Variants in DOK5 observed in about 807,000 individuals in gnomAD.
DOK5 encodes downstream of tyrosine kinase 5.
A neutral mutation model predicts 43.3 loss-of-function variants in DOK5; 27 were observed. The observed-to-expected ratio is 0.62, with a 90% CI of 0.46 to 0.86. The LOEUF (loss-of-function observed/expected upper bound fraction) is 0.86. Ranked by LOEUF, DOK5 falls within the 40% of genes least tolerant of loss-of-function variation. The pLI is 0.00. For missense variants in DOK5, 373 were observed against 392.9 expected, an observed-to-expected ratio of 0.95 and a Z score of 0.43; for synonymous variants, 146 against 140.1, an observed-to-expected ratio of 1.04 and a Z score of -0.30.
intron 1 of DOK5, among the ~76,000 whole-genome samples, chr20:54,488,625 A>G (rs1366033936): frequency 6.6e-6 from 1 of 152,086 alleles, no homozygotes; most frequent in Admixed American, 6.6e-5. Flanking sequence ...TTACTCTAAG[A>G]GACATAAGTT....
chr20:54,491,586 A>C (rs1982179018), intron 1 of DOK5, among the ~76,000 whole-genome samples: 1 of 152,074 alleles, frequency 6.6e-6, no homozygotes, highest in South Asian at 2.1e-4. Context: ...ATGTCACTGA[A>C]CTGCTTACAC....
chr20:54,499,874 A>G (rs1052939242), intron 1 of DOK5, among the ~76,000 whole-genome samples: 3 of 152,200 alleles, frequency 2.0e-5, no homozygotes, highest in East Asian at 3.8e-4. Context: ...TTCACTGAAG[A>G]TTGCTCACCT....
chr20:54,552,696 T>C (rs534987697), intron 1 of DOK5, among the ~76,000 whole-genome samples: 1 of 152,316 alleles, frequency 6.6e-6, no homozygotes, highest in Admixed American at 6.5e-5. Flanking sequence ...CTGACTTTTT[T>C]ATTGTAAATA....
At chr20:54,567,303 G>A (rs1339373642) in intron 2 of DOK5, among the ~76,000 whole-genome samples, 1 of 152,034 alleles carries the variant, frequency 6.6e-6, no homozygotes, top group Non-Finnish European at 1.5e-5. Context: ...AAGAAAAAAG[G>A]TATAGTTTTA....
At chr20:54,636,908 T>TG (rs1448980894) in intron 6 of DOK5, among the ~76,000 whole-genome samples, 5 of 152,130 alleles carry the variant, frequency 3.3e-5, no homozygotes, top group East Asian at 1.9e-4. Flanking sequence ...ACAGGACTTT[T>TG]GGGGGGGACA....
chr20:54,568,057 G>A (rs1038946574), intron 2 of DOK5, among the ~76,000 whole-genome samples: 1 of 152,114 alleles, frequency 6.6e-6, no homozygotes, highest in Non-Finnish European at 1.5e-5. Flanking sequence ...ACTAATCTTA[G>A]AAATGATTAA....
At chr20:54,563,353 A>C (rs951657082) in intron 2 of DOK5, among the ~76,000 whole-genome samples, 2 of 152,146 alleles carry the variant, frequency 1.3e-5, no homozygotes, top group African/African-American at 4.8e-5. Flanking sequence ...TGTAACTCTC[A>C]ATGATGTGTT....
intron 1 of DOK5, among the ~76,000 whole-genome samples, chr20:54,482,286 A>C (rs932598319): frequency 6.6e-6 from 1 of 152,202 alleles, no homozygotes; most frequent in Non-Finnish European, 1.5e-5. Flanking sequence ...AAATTTTAAA[A>C]ATTGGTCAGC....
chr20:54,566,694 G>A (rs1268446354), intron 2 of DOK5, among the ~76,000 whole-genome samples: 1 of 152,138 alleles, frequency 6.6e-6, no homozygotes, highest in Non-Finnish European at 1.5e-5. Flanking sequence ...AGGGTTCACT[G>A]CGGCCTTGAA....
intron 5 of DOK5, among the ~76,000 whole-genome samples, chr20:54,604,824 A>C (rs889319872): frequency 2.0e-5 from 3 of 151,860 alleles, no homozygotes; most frequent in East Asian, 1.9e-4. Context: ...AAGATGGTGA[A>C]ACCCCATCTC....
At chr20:54,644,235 T>C (rs1310621360) in intron 7 of DOK5, among the ~76,000 whole-genome samples, 1 of 152,204 alleles carries the variant, frequency 6.6e-6, no homozygotes, top group East Asian at 1.9e-4. Flanking sequence ...TGAAGCATGA[T>C]GCAGAACAGC....
chr20:54,488,338 CG>C (rs1434199154), intron 1 of DOK5, among the ~76,000 whole-genome samples: 1 of 152,216 alleles, frequency 6.6e-6, no homozygotes, highest in East Asian at 1.9e-4. Flanking sequence ...TTGCTCTTAA[CG>C]TCTGATTTTC....
intron 1 of DOK5, among the ~76,000 whole-genome samples, chr20:54,492,556 A>G (rs1982225162): frequency 6.6e-6 from 1 of 152,190 alleles, no homozygotes; most frequent in South Asian, 2.1e-4. Flanking sequence ...TATTTCTAAG[A>G]TAAGTCCTAA....
At position 54,482,794 on chromosome 20, in the gene DOK5, G is replaced by A. The variant is rs1368287987; in HGVS notation, c.66+6782G>A. On this transcript the variant is annotated intron_variant, in intron 1 of 7. Coordinates refer to ENST00000262593, the MANE Select transcript of DOK5 (RefSeq NM_018431.5). Reference sequence around the variant, plus strand: ...TTACAGGCGTGAGCCACCGTGCCCGGCCTCATCATATGCTATTGTTATTTA... The same window carrying A: ...TTACAGGCGTGAGCCACCGTGCCCGACCTCATCATATGCTATTGTTATTTA... Among the ~76,000 whole-genome samples, 4 of 152,106 alleles carry A rather than the reference G, an allele frequency of 2.6e-5. 1 individual carries two copies. Among genetic ancestry groups the A allele is most frequent in the African/African-American group, 9.7e-5 (4 of 41,426 alleles).
chr20:54,551,399 T>C (rs987214013), intron 1 of DOK5, among the ~76,000 whole-genome samples: 2 of 152,206 alleles, frequency 1.3e-5, no homozygotes, highest in African/African-American at 4.8e-5. Context: ...GAAGTTTTCA[T>C]TTTGATGAGG....
chr20:54,540,349 T>A (rs912516782), intron 1 of DOK5, among the ~76,000 whole-genome samples: 1 of 152,122 alleles, frequency 6.6e-6, no homozygotes, highest in Non-Finnish European at 1.5e-5. Flanking sequence ...CTTGGGACAG[T>A]GTCTGTCTTG....
intron 1 of DOK5, among the ~76,000 whole-genome samples, chr20:54,528,161 C>T (rs565313166): frequency 6.6e-6 from 1 of 152,212 alleles, no homozygotes; most frequent in East Asian, 1.9e-4. Flanking sequence ...GAGCTGAGAT[C>T]GTACCATTGC....
chr20:54,517,791 A>G (rs1983250553), intron 1 of DOK5, among the ~76,000 whole-genome samples: 1 of 152,174 alleles, frequency 6.6e-6, no homozygotes, highest in African/African-American at 2.4e-5. Context: ...TGCTTTTACA[A>G]AACAGACCCC....
intron 1 of DOK5, among the ~76,000 whole-genome samples, chr20:54,493,879 C>A (rs1048049939): frequency 2.0e-5 from 3 of 152,140 alleles, no homozygotes; most frequent in African/African-American, 7.2e-5. Flanking sequence ...TTGGAGGCTG[C>A]AGTGAGCCAT....
Sources: allele counts gnomAD v4.1 joint callset (sites outside exome capture counted in the v4.1 genomes callset), GRCh38; gene constraint gnomAD v4.1.1; transcripts MANE v1.5; gene names NCBI Gene and HGNC (gene_info 2026-07-23, HGNC 2026-07-21).